The following SERINC5 variants were observed in gnomAD, a reference collection of about 807,000 sequenced individuals.
SERINC5 encodes the protein chromosome 5 open reading frame 12.
In SERINC5, 41 loss-of-function variants were observed where a neutral mutation model predicts 63.1. The ratio of observed to expected loss-of-function variants is 0.65; its 90% confidence interval spans 0.51 to 0.84. The LOEUF is 0.84. Among genes scored for constraint, SERINC5 ranks in the 40% least tolerant of loss-of-function variants. SERINC5 has a pLI of 0.00. For synonymous variants in SERINC5, 222 were observed against 215.2 expected (o/e 1.03, Z -0.28); for missense variants, 523 against 573.0 (o/e 0.91, Z 0.89).
In SERINC5 at chr5:80,177,961, C is replaced by T; in HGVS notation, c.299G>A (p.Cys100Tyr). 6.2e-7 allele frequency: 1 copy of T among 1,611,120 alleles called. No homozygotes were observed. The highest frequency in any genetic ancestry group is 8.5e-7 in the Non-Finnish European group (1 of 1,178,828). Residue 100 changes from cysteine to tyrosine, a missense_variant, in exon 3 of 12, where the codon TGT (cysteine) becomes TAT (tyrosine). Transcript: ENST00000507668. ...CAGTAGACAGAAGATAAAGAAGAAA[C>T]AAGCCATTCCAAAACAGACTCTATA... ...AVYRVCFGMA[C>Y]FFFIFCLLTL... is the part of the protein sequence containing the mutation.
chr5:80,254,687 C>A (rs1470100407), intron 1 of SERINC5, among the ~76,000 whole-genome samples: 2 of 152,210 alleles, frequency 1.3e-5, no homozygotes, highest in Non-Finnish European at 2.9e-5. Context: ...TGACCATTCT[C>A]ATTCTCTTTC....
downstream of SERINC5, among the ~76,000 whole-genome samples, chr5:80,138,043 G>A (rs935299381): frequency 6.6e-6 from 1 of 152,036 alleles, no homozygotes; most frequent in Non-Finnish European, 1.5e-5. Flanking sequence ...ACACGGTTAA[G>A]TAAAATAAGC....
At chr5:80,131,947 C>A (rs184083037) in intron 11 of SERINC5, among the ~76,000 whole-genome samples, 1 of 152,150 alleles carries the variant, frequency 6.6e-6, no homozygotes, top group Non-Finnish European at 1.5e-5. Context: ...TTCCTTTCAC[C>A]GCTTGAAATG....
intron 3 of SERINC5, 108 bp from the exon 4 acceptor site, chr5:80,177,505 C>T: frequency 1.2e-6 from 1 of 858,014 alleles, no homozygotes; most frequent in South Asian, 1.6e-5. Flanking sequence ...TGCCATTGGC[C>T]AATGTTCTCT....
intron 12 of SERINC5, among the ~76,000 whole-genome samples, chr5:80,112,919 G>T (rs550926822): frequency 6.6e-6 from 1 of 152,100 alleles, no homozygotes; most frequent in Non-Finnish European, 1.5e-5. Flanking sequence ...AGCTGTGATC[G>T]CACCACTGCA....
intron 1 of SERINC5, among the ~76,000 whole-genome samples, chr5:80,253,129 C>T (rs911891625): frequency 2.0e-5 from 3 of 152,196 alleles, no homozygotes; most frequent in African/African-American, 7.2e-5. Context: ...GAGCCTGTCT[C>T]ATTCCCACAT....
chr5:80,180,508 G>A (rs562973915), intron 2 of SERINC5, among the ~76,000 whole-genome samples: 1 of 152,310 alleles, frequency 6.6e-6, no homozygotes, highest in Middle Eastern at 3.4e-3. Flanking sequence ...ACTGAGGCAA[G>A]AGTCTCAATG....
intron 1 of SERINC5, 30 bp from the exon 2 acceptor site, chr5:80,203,083 G>A: frequency 6.4e-7 from 1 of 1,565,676 alleles, no homozygotes; most frequent in Non-Finnish European, 8.7e-7. Flanking sequence ...CATCTGCTTA[G>A]AGCATGATAC....
rs16877513 is a variant in SERINC5, at chr5:80,115,262, C to T, written c.1239-1637G>A. Reference sequence around the variant, plus strand: ...CTGCTAGGGTGAAACTGGGGGCACACGGTATAGCTCAAATGCACCCCAGGT... The same window carrying T: ...CTGCTAGGGTGAAACTGGGGGCACATGGTATAGCTCAAATGCACCCCAGGT... On this transcript the variant is annotated intron_variant, in intron 11 of 12. Transcript: ENST00000509193. Among the ~76,000 whole-genome samples the T allele has an allele frequency of 3.3e-3, 503 of 152,118 alleles. 10 individuals are homozygous for T. The highest frequency in any genetic ancestry group is 1.0e-2 in the African/African-American group (412 of 41,402).
chr5:80,244,809 G>A (rs575501419), intron 1 of SERINC5, among the ~76,000 whole-genome samples: 6 of 152,082 alleles, frequency 3.9e-5, no homozygotes, highest in Non-Finnish European at 8.8e-5. Flanking sequence ...GTGACAAAGC[G>A]AGACTCCGTC....
intron 11 of SERINC5, among the ~76,000 whole-genome samples, chr5:80,145,058 T>C (rs1427483923): frequency 6.6e-6 from 1 of 150,962 alleles, no homozygotes; most frequent in African/African-American, 2.4e-5. Flanking sequence ...AAAAAAAAAT[T>C]AGCTGGACAT....
At chr5:80,183,383 T>TC (rs1480698411) in intron 2 of SERINC5, among the ~76,000 whole-genome samples, 1 of 152,226 alleles carries the variant, frequency 6.6e-6, no homozygotes, top group African/African-American at 2.4e-5. Flanking sequence ...CCAAGGGGTA[T>TC]CCCAGCGAGA....
chr5:80,200,971 C>T (rs887689263), intron 2 of SERINC5, among the ~76,000 whole-genome samples: 5 of 151,844 alleles, frequency 3.3e-5, no homozygotes, highest in Admixed American at 6.6e-5. Context: ...TGGTGGCACG[C>T]GCCTGTAATC....
At chr5:80,177,055 G>A in intron 4 of SERINC5, among the ~76,000 whole-genome samples, 1 of 152,110 alleles carries the variant, frequency 6.6e-6, no homozygotes, top group East Asian at 1.9e-4. Context: ...GCAGTGCTTG[G>A]AAAGAACAAG....
chr5:80,143,509 T>G lies in SERINC5; in HGVS notation c.*154A>C. 3 of 1,365,882 alleles carry G rather than the reference T, an allele frequency of 2.2e-6. No individual in the cohort carries two copies. The African/African-American group carries it at 4.4e-5, about 20-fold the overall frequency. The allele number at this position is 1,365,882 out of a possible 1,614,324, so 84.6% of individuals were successfully genotyped here. ...GTAGTTTCTTTTTGAATTTCAAAAGTAAAAAGCTAATCAGGAGATTTTTTT... is the reference window on the plus strand; with the variant it reads ...GTAGTTTCTTTTTGAATTTCAAAAGGAAAAAGCTAATCAGGAGATTTTTTT... On this transcript the variant is annotated 3_prime_UTR_variant, in exon 12 of 12. Coordinates refer to ENST00000507668, the MANE Select transcript of SERINC5 (RefSeq NM_001174072.3).
At chr5:80,208,947 C>T (rs1750304244) in intron 1 of SERINC5, among the ~76,000 whole-genome samples, 1 of 152,180 alleles carries the variant, frequency 6.6e-6, no homozygotes, top group African/African-American at 2.4e-5. Flanking sequence ...CAGAAAGTGA[C>T]TGTATTTGCA....
At chr5:80,238,119 A>AAG in intron 1 of SERINC5, among the ~76,000 whole-genome samples, 2 of 151,040 alleles carry the variant, frequency 1.3e-5, no homozygotes, top group South Asian at 4.2e-4. Flanking sequence ...AAAAAAAAAA[A>AAG]AAAGAAAAGA....
intron 8 of SERINC5, among the ~76,000 whole-genome samples, chr5:80,153,728 G>A (rs953451088): frequency 6.6e-6 from 1 of 151,410 alleles, no homozygotes; most frequent in African/African-American, 2.4e-5. Flanking sequence ...ACACCACAGC[G>A]TGTTTACTGT....
At position 80,140,901 on chromosome 5, in the gene SERINC5, G is replaced by A. The variant is rs1745468159; in HGVS notation, c.*2762C>T. 1 of 985,138 alleles carries A rather than the reference G, an allele frequency of 1.0e-6. No individual in the cohort carries two copies. Among genetic ancestry groups the A allele is most frequent in the Non-Finnish European group, 1.2e-6 (1 of 829,710 alleles). 61.0% of individuals were successfully genotyped at this position (985,138 alleles called of 1,614,324 possible). A position where few individuals can be genotyped will look rare whatever the true frequency, so the allele number is the denominator to read the frequency against. ...TCTGGGAATATACTCTTTAGGTCAT[G>A]TACAAAAAGGTGTAGGAAGCAAATG... On this transcript the variant is annotated 3_prime_UTR_variant, in exon 12 of 12. Transcript: ENST00000507668.
Sources: allele counts gnomAD v4.1 joint callset (sites outside exome capture counted in the v4.1 genomes callset), GRCh38; gene constraint gnomAD v4.1.1; transcripts MANE v1.5; gene names NCBI Gene and HGNC (gene_info 2026-07-23, HGNC 2026-07-21).